The following CTNNA3 variants were observed in gnomAD, a reference collection of about 807,000 sequenced individuals.
CTNNA3 encodes catenin alpha 3, also known as catenin alpha-3.
A neutral mutation model predicts 95.7 loss-of-function variants in CTNNA3; 76 were observed. The ratio of observed to expected loss-of-function variants is 0.79; its 90% CI spans 0.66 to 0.96. The LOEUF (loss-of-function observed/expected upper bound fraction) is 0.96, where lower values mean the gene tolerates loss of function less well. CTNNA3 is among the 40% of genes least tolerant of loss of function. The pLI, the probability that CTNNA3 is intolerant of heterozygous loss-of-function variation, is 0.00. For missense variants in CTNNA3, 1,191 were observed against 1,089.8 expected (o/e 1.09, Z -1.31); for synonymous variants, 431 against 374.4 (o/e 1.15, Z -1.74).
At chr10:67,596,410 C>T (rs979953041) in intron 3 of CTNNA3, among the ~76,000 whole-genome samples, 2 of 152,124 alleles carry the variant, frequency 1.3e-5, no homozygotes, top group Non-Finnish European at 2.9e-5. Context: ...AATGATGGAA[C>T]ACTAGGTGTA....
intron 1 of CTNNA3, among the ~76,000 whole-genome samples, chr10:67,743,997 A>G (rs148671660): frequency 0.014 from 2,060 of 151,432 alleles, 91 homozygotes; most frequent in Non-Finnish European, 0.021. Context: ...TCAATGAAAT[A>G]AAAGAGGATA....
chr10:67,567,703 G>A (rs191928304), intron 3 of CTNNA3, among the ~76,000 whole-genome samples: 52 of 152,102 alleles, frequency 3.4e-4, no homozygotes, highest in African/African-American at 1.2e-3. Context: ...CAGATACCAC[G>A]GGCTTCATGT....
intron 13 of CTNNA3, among the ~76,000 whole-genome samples, chr10:66,217,199 C>G (rs1412488489): frequency 6.6e-6 from 1 of 151,876 alleles, no homozygotes; most frequent in African/African-American, 2.4e-5. Context: ...ACTAAAAATA[C>G]AAAAATTAGC....
intron 7 of CTNNA3, among the ~76,000 whole-genome samples, chr10:67,139,558 G>A (rs1860454350): frequency 6.6e-6 from 1 of 151,690 alleles, no homozygotes; most frequent in African/African-American, 2.4e-5. Flanking sequence ...GATTACAGGT[G>A]ACCACCACCA....
chr10:66,415,965 G>A (rs950461926), intron 11 of CTNNA3, among the ~76,000 whole-genome samples: 1 of 152,136 alleles, frequency 6.6e-6, no homozygotes, highest in Non-Finnish European at 1.5e-5. Flanking sequence ...AGCTCCAAAG[G>A]AGATGGAATT....
chr10:66,963,173 G>C (rs968875810), intron 7 of CTNNA3, among the ~76,000 whole-genome samples: 1 of 152,122 alleles, frequency 6.6e-6, no homozygotes, highest in African/African-American at 2.4e-5. Context: ...TAGAAATACT[G>C]TAAAAACTAA....
At chr10:67,201,782 A>C (rs1303673475) in intron 6 of CTNNA3, among the ~76,000 whole-genome samples, 1 of 152,192 alleles carries the variant, frequency 6.6e-6, no homozygotes, top group African/African-American at 2.4e-5. Context: ...AGTCAACCTG[A>C]AAGAAACCAA....
intron 7 of CTNNA3, chr10:66,928,388 G>C (rs1329594534): frequency 6.2e-7 from 1 of 1,614,152 alleles, no homozygotes; most frequent in Non-Finnish European, 8.5e-7. Flanking sequence ...ACGGAGACCA[G>C]CGAGATGCTG....
In CTNNA3 at chr10:66,026,790, A is replaced by G. The variant is rs544907201; in HGVS notation, c.2160-37993T>C. 2.0e-5 allele frequency among the ~76,000 whole-genome samples: 3 copies of G among 152,282 alleles called. No homozygotes were observed. The South Asian group carries it at 6.2e-4, about 32-fold the overall frequency. ...TGACACAAGATTTTGAAGTCGCACA[A>G]TAAATGAGAAGATAAATCAGTTTAA... On this transcript the variant is annotated intron_variant, in intron 15 of 17. Transcript: ENST00000433211.
chr10:66,405,894 C>T (rs551055143), intron 11 of CTNNA3, among the ~76,000 whole-genome samples: 2 of 152,260 alleles, frequency 1.3e-5, no homozygotes, highest in South Asian at 4.1e-4. Context: ...CACATCTTTT[C>T]CTTTCAGCCA....
intron 5 of CTNNA3, among the ~76,000 whole-genome samples, chr10:67,303,038 C>A (rs1589144021): frequency 6.6e-6 from 1 of 152,258 alleles, no homozygotes; most frequent in Admixed American, 6.5e-5. Flanking sequence ...AATTAGAAAT[C>A]CTGGGAGTGA....
intron 9 of CTNNA3, among the ~76,000 whole-genome samples, chr10:66,653,402 C>T (rs76829935): frequency 2.0e-5 from 3 of 151,486 alleles, no homozygotes; most frequent in Admixed American, 6.6e-5. Context: ...TAAATTTAAA[C>T]GAGGTAAAAG....
At chr10:66,670,564 T>A (rs942559015) in intron 9 of CTNNA3, among the ~76,000 whole-genome samples, 18 of 152,126 alleles carry the variant, frequency 1.2e-4, no homozygotes, top group Non-Finnish European at 2.1e-4. Context: ...TTCTACCTCT[T>A]CTCTTCTAGG....
chr10:67,069,586 A>G (rs1434605402), intron 7 of CTNNA3, among the ~76,000 whole-genome samples: 1 of 7,896 alleles, frequency 1.3e-4, no homozygotes, highest in Non-Finnish European at 2.9e-4. Context: ...CACCCCACCC[A>G]GTCCCTGCCC....
intron 3 of CTNNA3, among the ~76,000 whole-genome samples, chr10:67,601,869 C>T (rs776258071): frequency 3.3e-5 from 5 of 152,150 alleles, no homozygotes; most frequent in Admixed American, 6.5e-5. Flanking sequence ...TTCACCGTCT[C>T]TCCTTTATAC....
At chr10:66,491,157 A>G (rs529059396) in intron 11 of CTNNA3, among the ~76,000 whole-genome samples, 4 of 152,282 alleles carry the variant, frequency 2.6e-5, no homozygotes, top group African/African-American at 9.6e-5. Flanking sequence ...AATCTATTTT[A>G]TATAGATATT....
intron 7 of CTNNA3, among the ~76,000 whole-genome samples, chr10:66,898,409 G>A (rs972336621): frequency 6.6e-6 from 1 of 152,140 alleles, no homozygotes; most frequent in African/African-American, 2.4e-5. Context: ...AACAAAGATT[G>A]AGGCATCATA....
At chr10:66,457,127 C>A (rs557708012) in intron 11 of CTNNA3, among the ~76,000 whole-genome samples, 8 of 151,996 alleles carry the variant, frequency 5.3e-5, no homozygotes, top group Non-Finnish European at 7.4e-5. Context: ...AACAAAAAAA[C>A]CTTTACAACT....
At chr10:67,695,828 G>A (rs902124453) in intron 1 of CTNNA3, among the ~76,000 whole-genome samples, 172 bp downstream of exon 1, 1 of 152,118 alleles carries the variant, frequency 6.6e-6, no homozygotes, top group African/African-American at 2.4e-5. Context: ...GAAAGCCTAC[G>A]TTTCTCATAA....
Sources: gnomAD v4.1 joint callset for allele counts (sites outside exome capture counted in the v4.1 genomes callset) on GRCh38, gnomAD v4.1.1 for gene constraint, MANE v1.5 for transcripts, NCBI Gene and HGNC (gene_info 2026-07-23, HGNC 2026-07-21) for gene names.